Variants in UBR3 observed in about 807,000 individuals in gnomAD.
UBR3 encodes ubiquitin protein ligase E3 component n-recognin 3.
A neutral mutation model predicts 243.2 loss-of-function variants in UBR3; 85 were observed. The ratio of observed to expected loss-of-function variants is 0.35; its 90% confidence interval spans 0.29 to 0.42. The LOEUF (loss-of-function observed/expected upper bound fraction) is 0.42. Ranked by LOEUF, UBR3 falls within the 10% of genes least tolerant of loss-of-function variation. UBR3 has a pLI of 1.00. For missense variants in UBR3, 1,686 were observed against 2,300.8 expected (o/e 0.73, Z 5.47); for synonymous variants, 748 against 799.8 (o/e 0.94, Z 1.09).
intron 22 of UBR3, among the ~76,000 whole-genome samples, chr2:169,948,825 A>G (rs2105360853): frequency 6.6e-6 from 1 of 152,136 alleles, no homozygotes; most frequent in Admixed American, 6.5e-5. Flanking sequence ...TAATTAAAAG[A>G]TGTTTTCTGA....
At chr2:169,952,643 T>A (rs1182905658) in intron 23 of UBR3, among the ~76,000 whole-genome samples, 3 of 151,970 alleles carry the variant, frequency 2.0e-5, no homozygotes, top group African/African-American at 7.3e-5. Flanking sequence ...TGCAGTGAGC[T>A]GAGATCGCGC....
intron 1 of UBR3, among the ~76,000 whole-genome samples, chr2:169,842,507 C>A (rs1479692596): frequency 6.6e-6 from 1 of 152,186 alleles, no homozygotes; most frequent in Non-Finnish European, 1.5e-5. Context: ...TGCAATAAAT[C>A]TTGCTACTGC....
intron 24 of UBR3, among the ~76,000 whole-genome samples, chr2:169,963,120 A>G (rs1279418647): frequency 6.6e-6 from 1 of 152,018 alleles, no homozygotes; most frequent in East Asian, 1.9e-4. Flanking sequence ...GTTGTGGATG[A>G]TCCGTTTTTT....
chr2:169,876,350 G>A (rs1405286378), intron 3 of UBR3, among the ~76,000 whole-genome samples: 4 of 152,288 alleles, frequency 2.6e-5, no homozygotes, highest in African/African-American at 9.6e-5. Flanking sequence ...GAAGTGCTGG[G>A]ATTACAGGCG....
chr2:169,899,726 C>T (rs1183075679), intron 8 of UBR3, among the ~76,000 whole-genome samples: 1 of 152,122 alleles, frequency 6.6e-6, no homozygotes, highest in African/African-American at 2.4e-5. Context: ...GTTCAACTCC[C>T]ACTTATGAGT....
chr2:169,969,608 G>A (rs1559143430), intron 24 of UBR3, among the ~76,000 whole-genome samples: 1 of 150,580 alleles, frequency 6.6e-6, no homozygotes, highest in Admixed American at 6.6e-5. Context: ...GAGTTCAGTG[G>A]TGCAATCTCG....
intron 2 of UBR3, 119 bp from the exon 3 acceptor site, chr2:169,875,672 G>T (rs2083580611): frequency 9.9e-7 from 1 of 1,010,794 alleles, no homozygotes; most frequent in South Asian, 2.4e-5. Flanking sequence ...TGACTTTTTT[G>T]ATTATAAAAT....
At chr2:169,867,050 C>A (rs1057002670) in intron 1 of UBR3, among the ~76,000 whole-genome samples, 2 of 152,046 alleles carry the variant, frequency 1.3e-5, no homozygotes, top group African/African-American at 4.8e-5. Context: ...GAGGTAAAAC[C>A]AAATGTATGG....
chr2:169,959,617 G>A (rs2087472200), intron 24 of UBR3, among the ~76,000 whole-genome samples: 1 of 152,098 alleles, frequency 6.6e-6, no homozygotes, highest in South Asian at 2.1e-4. Flanking sequence ...GAGTTTACTA[G>A]GGAGAATTGG....
At chr2:170,022,818 GA>G in intron 30 of UBR3, among the ~76,000 whole-genome samples, 1 of 152,232 alleles carries the variant, frequency 6.6e-6, no homozygotes, top group South Asian at 2.1e-4. Flanking sequence ...GATAGGGAGA[GA>G]TGAGTCAGCT....
rs1248127547 is a variant in UBR3, at chr2:169,930,137, A to T, written c.2566+1269A>T. Among the ~76,000 whole-genome samples, 7 of 152,178 alleles carry T rather than the reference A, an allele frequency of 4.6e-5. No homozygotes were observed. In the East Asian group the frequency reaches 1.3e-3, roughly 29 times the overall value. On this transcript the variant is annotated intron_variant, in intron 18 of 38. Transcript: ENST00000272793. ...GTGATGTGACGATTACATCTCTGTC[A>T]GACTCACTTGCGCTCCTCATTAAGA...
At chr2:169,951,111 A>C (rs562921701) in intron 23 of UBR3, among the ~76,000 whole-genome samples, 93 of 152,340 alleles carry the variant, frequency 6.1e-4, no homozygotes, top group Middle Eastern at 3.4e-3. Flanking sequence ...GGGAGGGTCC[A>C]AAGAGATCAC....
At chr2:170,049,920 T>C (rs572135627) in intron 32 of UBR3, among the ~76,000 whole-genome samples, 1 of 152,350 alleles carries the variant, frequency 6.6e-6, no homozygotes, top group South Asian at 2.1e-4. Context: ...TATGGTAAAT[T>C]GCTTATTTTC....
intron 23 of UBR3, among the ~76,000 whole-genome samples, chr2:169,957,008 C>T (rs1450479821): frequency 6.6e-6 from 1 of 152,164 alleles, no homozygotes; most frequent in Non-Finnish European, 1.5e-5. Flanking sequence ...CAAAGGACAT[C>T]AGTTCCTCTT....
intron 18 of UBR3, 78 bp downstream of exon 18, chr2:169,928,946 T>C (rs1394208699): frequency 1.7e-6 from 2 of 1,189,286 alleles, no homozygotes; most frequent in Non-Finnish European, 1.1e-6. Flanking sequence ...TAAAAGAAAA[T>C]GTTTACCTTT....
Position 169,846,656 on chromosome 2 carries a change from G to A in UBR3, c.545+18604G>A, listed in dbSNP as rs550852537. Among the ~76,000 whole-genome samples the A allele has an allele frequency of 2.6e-5, 4 of 151,064 alleles. No individual in the cohort carries two copies. In the South Asian group the frequency reaches 8.3e-4, roughly 31 times the overall value. On this transcript the variant is annotated intron_variant, in intron 1 of 38. Coordinates refer to ENST00000272793, the MANE Select transcript of UBR3 (RefSeq NM_172070.4). ...ACCCAGGAGGTGGAGGTTGCAGTGA[G>A]CCGAGATGGCACCACTGCACTCTAG... is the stretch of plus-strand genomic sequence containing the variant.
At chr2:169,967,661 T>C (rs986685789) in intron 24 of UBR3, among the ~76,000 whole-genome samples, 3 of 152,132 alleles carry the variant, frequency 2.0e-5, no homozygotes, top group East Asian at 1.9e-4. Context: ...CTTTGGAAAG[T>C]AGGAGAGTCT....
chr2:169,859,830 C>T (rs2083025843), intron 1 of UBR3, among the ~76,000 whole-genome samples: 1 of 152,104 alleles, frequency 6.6e-6, no homozygotes. Context: ...GATTCTTCTG[C>T]CTCAGGCTCC....
intron 24 of UBR3, among the ~76,000 whole-genome samples, chr2:169,965,203 T>C (rs2087751143): frequency 1.3e-5 from 2 of 152,244 alleles, no homozygotes; most frequent in Non-Finnish European, 2.9e-5. Context: ...CTTTTTGTAC[T>C]ATAGTATTAT....
Sources: gnomAD v4.1 joint callset for allele counts (sites outside exome capture counted in the v4.1 genomes callset) on GRCh38, gnomAD v4.1.1 for gene constraint, MANE v1.5 for transcripts, NCBI Gene and HGNC (gene_info 2026-07-23, HGNC 2026-07-21) for gene names.